ADAM9: variants seen among roughly 807,000 people sequenced by gnomAD.
ADAM9 encodes the protein disintegrin and metalloproteinase domain-containing protein 9.
Under a neutral mutation model 108.1 loss-of-function variants are expected in ADAM9, and 54 were observed. The ratio of observed to expected loss-of-function variants is 0.50; its 90% CI spans 0.40 to 0.63. The LOEUF (loss-of-function observed/expected upper bound fraction) is 0.63, where lower values mean the gene tolerates loss of function less well. ADAM9 is among the 20% of genes least tolerant of loss of function. ADAM9 has a pLI of 0.00. For missense variants in ADAM9, 830 were observed against 997.7 expected, an observed-to-expected ratio of 0.83 and a Z score of 2.26; for synonymous variants, 316 against 336.0, an observed-to-expected ratio of 0.94 and a Z score of 0.65.
At chr8:39,093,812 C>G (rs1324809003) in intron 20 of ADAM9, among the ~76,000 whole-genome samples, 3 of 152,210 alleles carry the variant, frequency 2.0e-5, no homozygotes, top group African/African-American at 7.2e-5. Context: ...CTCTGTCACC[C>G]AGGCTGCAGT....
intron 11 of ADAM9, among the ~76,000 whole-genome samples, chr8:39,036,479 T>C (rs1837279031): frequency 6.6e-6 from 1 of 152,214 alleles, no homozygotes; most frequent in Non-Finnish European, 1.5e-5. Context: ...TGAAATTTTT[T>C]TTTTTGTCAT....
chr8:39,056,900 T>C (rs964533063), intron 14 of ADAM9, among the ~76,000 whole-genome samples: 2 of 152,180 alleles, frequency 1.3e-5, no homozygotes, highest in African/African-American at 2.4e-5. Flanking sequence ...ATGGAACCAT[T>C]GTGTTGTGCG....
At chr8:39,029,406 C>T (rs972758177) in intron 11 of ADAM9, among the ~76,000 whole-genome samples, 10 of 152,168 alleles carry the variant, frequency 6.6e-5, no homozygotes, top group Non-Finnish European at 1.5e-4. Context: ...CAGCCTTATT[C>T]TCCCAGTGAC....
chr8:39,005,227 T>C (rs531502669), intron 1 of ADAM9, among the ~76,000 whole-genome samples: 42 of 152,162 alleles, frequency 2.8e-4, no homozygotes, highest in African/African-American at 9.9e-4. Flanking sequence ...GTATCCGGGG[T>C]AGAGAGGAGC....
At chr8:39,045,146 A>G (rs1384328692) in intron 12 of ADAM9, among the ~76,000 whole-genome samples, 2 of 107,566 alleles carry the variant, frequency 1.9e-5, no homozygotes, top group South Asian at 3.4e-4. Flanking sequence ...ATATATGTGT[A>G]TATATGTGTA....
intron 18 of ADAM9, among the ~76,000 whole-genome samples, chr8:39,084,728 C>T (rs76569715): frequency 0.051 from 7,687 of 151,884 alleles, 257 homozygotes; most frequent in Non-Finnish European, 0.071. Flanking sequence ...AATAGGTAGT[C>T]GGATCTTTCA....
chr8:39,103,423 C>T (rs1839762509), intron 21 of ADAM9, among the ~76,000 whole-genome samples, 184 bp from the exon 22 acceptor site: 1 of 151,748 alleles, frequency 6.6e-6, no homozygotes, highest in Non-Finnish European at 1.5e-5. Flanking sequence ...GTAGTTATTC[C>T]ATTTTAGACT....
intron 12 of ADAM9, among the ~76,000 whole-genome samples, chr8:39,044,890 ATATG>A (rs1181756665): frequency 6.9e-6 from 1 of 144,352 alleles, no homozygotes; most frequent in African/African-American, 2.8e-5. Context: ...ATATGTATAT[ATATG>A]TGTGTGCACA....
At chr8:39,050,632 T>C (rs1837926901) in intron 12 of ADAM9, among the ~76,000 whole-genome samples, 1 of 152,028 alleles carries the variant, frequency 6.6e-6, no homozygotes. Flanking sequence ...GGCCAGAGCT[T>C]TTTTGGGCCT....
intron 14 of ADAM9, among the ~76,000 whole-genome samples, chr8:39,065,087 T>A (rs1277403945): frequency 2.0e-5 from 3 of 152,082 alleles, no homozygotes; most frequent in Admixed American, 2.0e-4. Flanking sequence ...TCCCTTTCAT[T>A]TTTTTGGTGT....
intron 19 of ADAM9, 39 bp from the exon 20 acceptor site, chr8:39,091,220 T>C (rs146297954): frequency 6.4e-7 from 1 of 1,572,934 alleles, no homozygotes; most frequent in African/African-American, 1.3e-5. Flanking sequence ...TAGAAATGTT[T>C]TTATCTTAAT....
chr8:39,097,206 G>A (rs1839533408), intron 20 of ADAM9, among the ~76,000 whole-genome samples: 1 of 152,084 alleles, frequency 6.6e-6, no homozygotes. Context: ...TTTTGGGGAT[G>A]TGTCCTCTGT....
At position 39,103,914 on chromosome 8, in the gene ADAM9, T is replaced by G. The variant is rs1382787642; in HGVS notation, c.*214T>G. On this transcript the variant is annotated 3_prime_UTR_variant, in exon 22 of 22. Transcript: ENST00000487273. ...AAAGCCAGGGAATTTACAATAACATTTCCGTTTCCATCATTGAATAAGTCT... is the reference window on the plus strand; with the variant it reads ...AAAGCCAGGGAATTTACAATAACATGTCCGTTTCCATCATTGAATAAGTCT... 2 of 685,370 alleles carry G rather than the reference T, an allele frequency of 2.9e-6. No homozygotes were observed. The highest frequency in any genetic ancestry group is 5.3e-6 in the Non-Finnish European group (2 of 376,494). 42.5% of individuals were successfully genotyped at this position (685,370 alleles called of 1,614,324 possible). A position where few individuals can be genotyped will look rare whatever the true frequency, so the allele number is the denominator to read the frequency against.
Position 39,083,019 on chromosome 8 carries a change from A to C in ADAM9, c.2014A>C (p.Asn672His), listed in dbSNP as rs757409679. ...CHCENGWAPP[N>H]CETKGYGGSV... is the part of the protein sequence containing the mutation. ...CTGTGAAAATGGCTGGGCTCCCCCA[A>C]ATTGTGAGACTAAAGGATACGGAGG... Residue 672 changes from asparagine (N) to histidine (H), a missense_variant, in exon 18 of 22, where the codon AAT (asparagine) becomes CAT (histidine). Transcript: ENST00000487273. The C allele has an allele frequency of 1.3e-5, 21 of 1,613,986 alleles. No individual in the cohort carries two copies. The highest frequency in any genetic ancestry group is 1.7e-5 in the Non-Finnish European group (20 of 1,179,860).
chr8:39,046,871 T>G (rs1482384962), intron 12 of ADAM9, among the ~76,000 whole-genome samples: 2 of 152,078 alleles, frequency 1.3e-5, no homozygotes, highest in African/African-American at 4.8e-5. Flanking sequence ...TGGGCCCAAG[T>G]GATCCTCGTG....
intron 16 of ADAM9, among the ~76,000 whole-genome samples, chr8:39,080,588 G>T (rs1334673936): frequency 2.0e-5 from 3 of 152,114 alleles, no homozygotes; most frequent in East Asian, 3.9e-4. Flanking sequence ...GTTTTCACAC[G>T]GCAGATAGGA....
At chr8:39,003,265 G>T (rs1836059542) in intron 1 of ADAM9, among the ~76,000 whole-genome samples, 1 of 151,992 alleles carries the variant, frequency 6.6e-6, no homozygotes, top group South Asian at 2.1e-4. Context: ...CAGAAGACTT[G>T]GTTTCTAGTC....
chr8:39,039,855 A>G (rs1230397286), intron 11 of ADAM9, among the ~76,000 whole-genome samples: 3 of 152,152 alleles, frequency 2.0e-5, no homozygotes, highest in Non-Finnish European at 4.4e-5. Context: ...AGACGTCTTT[A>G]TGAGGTGGTG....
chr8:39,051,887 T>C (rs898731551), intron 12 of ADAM9, among the ~76,000 whole-genome samples: 2 of 152,162 alleles, frequency 1.3e-5, no homozygotes, highest in South Asian at 2.1e-4. Flanking sequence ...TTGTAAACAG[T>C]GCTGCCGTAT....
Sources: gnomAD v4.1 joint callset for allele counts (sites outside exome capture counted in the v4.1 genomes callset) on GRCh38, gnomAD v4.1.1 for gene constraint, MANE v1.5 for transcripts, NCBI Gene and HGNC (gene_info 2026-07-23, HGNC 2026-07-21) for gene names.